PTDSS1: variants seen among roughly 807,000 people sequenced by gnomAD.
The protein encoded by PTDSS1 is phosphatidylserine synthase 1.
PTDSS1 carries 45 observed loss-of-function variants against 70.5 expected under a neutral mutation model. The observed-to-expected ratio is 0.64, with a 90% confidence interval of 0.50 to 0.82. The LOEUF (loss-of-function observed/expected upper bound fraction) is 0.82, where lower values mean the gene tolerates loss of function less well. Ranked by LOEUF, PTDSS1 falls within the 40% of genes least tolerant of loss-of-function variation. PTDSS1 has a pLI of 0.00. For missense variants in PTDSS1, 417 were observed against 586.1 expected (o/e 0.71, Z 2.98); for synonymous variants, 188 against 203.8 (o/e 0.92, Z 0.66).
rs1362459122 is a variant in PTDSS1, at chr8:96,336,987, G to A, written c.*3421G>A. On this transcript the variant is annotated 3_prime_UTR_variant, in exon 13 of 13. Transcript: ENST00000517309. ...CTCTCTAACCTGGGCGACAGAGCGAGACTATCTCAAAAAAAAAAAAAAAAA... is the reference window on the plus strand; with the variant it reads ...CTCTCTAACCTGGGCGACAGAGCGAAACTATCTCAAAAAAAAAAAAAAAAA... The A allele has an allele frequency of 9.9e-6, 1 of 101,250 alleles. No homozygotes were observed. The highest frequency in any genetic ancestry group is 4.3e-5 in the African/African-American group (1 of 23,446). 6.3% of individuals were successfully genotyped at this position (101,250 alleles called of 1,614,324 possible).
intron 6 of PTDSS1, among the ~76,000 whole-genome samples, chr8:96,301,327 C>A (rs2130099815): frequency 6.6e-6 from 1 of 152,146 alleles, no homozygotes; most frequent in South Asian, 2.1e-4. Context: ...AACTCCTGAC[C>A]TCAGGTGATC....
intron 9 of PTDSS1, among the ~76,000 whole-genome samples, chr8:96,311,131 C>G (rs1401716473): frequency 6.6e-6 from 1 of 152,134 alleles, no homozygotes; most frequent in Non-Finnish European, 1.5e-5. Context: ...TCTAGTTTAA[C>G]CTCTTGCTGT....
chr8:96,294,445 A>G (rs1810947394), intron 4 of PTDSS1, among the ~76,000 whole-genome samples: 1 of 152,220 alleles, frequency 6.6e-6, no homozygotes, highest in African/African-American at 2.4e-5. Flanking sequence ...ACGTATAATC[A>G]AAAACAAAGA....
intron 2 of PTDSS1, among the ~76,000 whole-genome samples, chr8:96,279,630 C>G (rs890055659): frequency 6.6e-6 from 1 of 151,934 alleles, no homozygotes; most frequent in African/African-American, 2.4e-5. Context: ...ACCAGCTTGG[C>G]TAACATGGTG....
intron 1 of PTDSS1, among the ~76,000 whole-genome samples, chr8:96,265,861 G>T (rs151093883): frequency 6.6e-6 from 1 of 152,252 alleles, no homozygotes; most frequent in South Asian, 2.1e-4. Context: ...GGAAGCCAAG[G>T]TGGGAGGATT....
At chr8:96,290,353 G>T (rs1390315431) in intron 4 of PTDSS1, among the ~76,000 whole-genome samples, 1 of 152,178 alleles carries the variant, frequency 6.6e-6, no homozygotes, top group Non-Finnish European at 1.5e-5. Context: ...GTGCTTGTGT[G>T]CCTCTGCTGA....
In PTDSS1 at chr8:96,335,852, G is replaced by A. The variant is rs540304988; in HGVS notation, c.*2286G>A. 1 of 152,274 alleles carries A rather than the reference G, an allele frequency of 6.6e-6. No homozygotes were observed. Among genetic ancestry groups the A allele is most frequent in the East Asian group, 1.9e-4 (1 of 5,174 alleles). 9.4% of individuals were successfully genotyped at this position (152,274 alleles called of 1,614,324 possible). A position where few individuals can be genotyped will look rare whatever the true frequency, so the allele number is the denominator to read the frequency against. On this transcript the variant is annotated 3_prime_UTR_variant, in exon 13 of 13. Coordinates refer to ENST00000517309, the MANE Select transcript of PTDSS1 (RefSeq NM_014754.3). ...TCACATTGATGGAAATAGAATGCGT[G>A]TTTCAGAATCATCATTCAATATCTG... is the stretch of plus-strand genomic sequence containing the variant.
intron 2 of PTDSS1, among the ~76,000 whole-genome samples, chr8:96,280,139 C>T (rs544714034): frequency 2.0e-4 from 30 of 152,236 alleles, no homozygotes; most frequent in Middle Eastern, 3.4e-3. Flanking sequence ...TAATTTCTGA[C>T]GTAGATTTTA....
At chr8:96,293,040 C>T (rs768976189) in intron 4 of PTDSS1, among the ~76,000 whole-genome samples, 30 of 152,166 alleles carry the variant, frequency 2.0e-4, no homozygotes, top group Non-Finnish European at 3.2e-4. Context: ...TACATTGGGA[C>T]GGGCATGCTA....
chr8:96,326,992 T>C (rs1424916472), intron 10 of PTDSS1, among the ~76,000 whole-genome samples: 1 of 152,152 alleles, frequency 6.6e-6, no homozygotes, highest in Non-Finnish European at 1.5e-5. Flanking sequence ...CTGGTGCCAC[T>C]GGGTGGCCAC....
chr8:96,322,126 C>T (rs1811380504), intron 10 of PTDSS1, among the ~76,000 whole-genome samples: 1 of 152,112 alleles, frequency 6.6e-6, no homozygotes, highest in Non-Finnish European at 1.5e-5. Context: ...ACAGACAGCC[C>T]TCCTCACCAC....
chr8:96,333,350 G>GT (rs1048966028), intron 12 of PTDSS1, 107 bp from the exon 13 acceptor site: 1 of 904,096 alleles, frequency 1.1e-6, no homozygotes, highest in Non-Finnish European at 1.8e-6. Flanking sequence ...GGGAGTGCAC[G>GT]TATCAGGGAA....
rs1811554690 is a variant in PTDSS1, at chr8:96,333,758, T to C, written c.*192T>C. The stretch of plus-strand genomic sequence containing the variant: ...TGGCCGCGTCAGGCAGATCATCGCC[T>C]GGGGGGCCTTTGCCAACGTGGGGTC... On this transcript the variant is annotated 3_prime_UTR_variant, in exon 13 of 13. Transcript: ENST00000517309. The C allele has an allele frequency of 1.4e-6, 1 of 715,858 alleles. No individual in the cohort carries two copies. The highest frequency in any genetic ancestry group is 2.7e-5 in the East Asian group (1 of 37,304). 44.3% of individuals were successfully genotyped at this position (715,858 alleles called of 1,614,324 possible).
chr8:96,304,211 G>A (rs1002018454), intron 7 of PTDSS1, 30 bp downstream of exon 7: 2 of 1,577,684 alleles, frequency 1.3e-6, no homozygotes, highest in African/African-American at 1.4e-5. Flanking sequence ...GAAGTTGGGA[G>A]GAAAACAAAA....
intron 11 of PTDSS1, 75 bp from the exon 12 acceptor site, chr8:96,330,951 T>A: frequency 7.7e-7 from 1 of 1,294,858 alleles, no homozygotes; most frequent in Non-Finnish European, 1.1e-6. Flanking sequence ...GGATGCAGCA[T>A]GCTCGCCTTT....
At chr8:96,291,179 C>T (rs1810897837) in intron 4 of PTDSS1, among the ~76,000 whole-genome samples, 1 of 151,968 alleles carries the variant, frequency 6.6e-6, no homozygotes, top group Non-Finnish European at 1.5e-5. Context: ...GGGCATGTTC[C>T]CTGTCCTCTT....
At chr8:96,330,687 G>C in intron 11 of PTDSS1, 1 of 375,466 alleles carries the variant, frequency 2.7e-6, no homozygotes, top group Non-Finnish European at 4.9e-6. Flanking sequence ...TAGTAGATAT[G>C]AGGATACCAT....
intron 10 of PTDSS1, among the ~76,000 whole-genome samples, chr8:96,323,616 GC>G (rs1241884090): frequency 6.6e-6 from 1 of 152,208 alleles, no homozygotes; most frequent in Non-Finnish European, 1.5e-5. Flanking sequence ...TGGTCAGTGA[GC>G]CCGTGGAGGG....
chr8:96,302,827 C>T (rs1409371121), intron 6 of PTDSS1, among the ~76,000 whole-genome samples: 1 of 152,222 alleles, frequency 6.6e-6, no homozygotes. Context: ...AGTGATCTGC[C>T]GGCCTCAGCC....
Sources: allele counts gnomAD v4.1 joint callset (sites outside exome capture counted in the v4.1 genomes callset), GRCh38; gene constraint gnomAD v4.1.1; transcripts MANE v1.5; gene names NCBI Gene and HGNC (gene_info 2026-07-23, HGNC 2026-07-21).